Variants in CAMK1D observed in about 807,000 individuals in gnomAD.
CAMK1D encodes the protein calcium/calmodulin-dependent protein kinase type 1D.
In CAMK1D, 9 loss-of-function variants were observed where a neutral mutation model predicts 47.7. The ratio of observed to expected loss-of-function variants is 0.19; its 90% CI spans 0.11 to 0.33. The LOEUF (loss-of-function observed/expected upper bound fraction) is 0.33. Ranked by LOEUF, CAMK1D falls within the 10% of genes least tolerant of loss-of-function variation. The pLI, the probability that CAMK1D is intolerant of heterozygous loss-of-function variation, is 1.00. For synonymous variants in CAMK1D, 184 were observed against 184.9 expected, an observed-to-expected ratio of 0.99 and a Z score of 0.04; for missense variants, 291 against 488.7, an observed-to-expected ratio of 0.60 and a Z score of 3.81.
intron 3 of CAMK1D, among the ~76,000 whole-genome samples, chr10:12,689,537 G>C (rs997875065): frequency 1.3e-5 from 2 of 152,138 alleles, no homozygotes; most frequent in Non-Finnish European, 2.9e-5. Flanking sequence ...AGCACTTTGG[G>C]AGGCCGAGGC....
chr10:12,761,148 G>A lies in CAMK1D; in HGVS notation c.438+62G>A, dbSNP rs541567945. The A allele has an allele frequency of 1.6e-5, 25 of 1,573,354 alleles. No homozygotes were observed. The East Asian group carries it at 5.0e-4, about 32-fold the overall frequency. ...TGCAGCCCGCAATGCACGCGACCAAGAGGGCTGATGCCAGTGGGGGCATGC... is the reference window on the plus strand; with the variant it reads ...TGCAGCCCGCAATGCACGCGACCAAAAGGGCTGATGCCAGTGGGGGCATGC... On this transcript the variant is annotated intron_variant, in intron 4 of 10. Coordinates refer to ENST00000619168, the MANE Select transcript of CAMK1D (RefSeq NM_153498.4).
rs574763767 is a variant in CAMK1D, at chr10:12,672,407, C to T, written c.299+5597C>T. Among the ~76,000 whole-genome samples, 5 of 152,126 alleles carry T rather than the reference C, an allele frequency of 3.3e-5. No individual in the cohort carries two copies. The South Asian group carries it at 6.2e-4, about 19-fold the overall frequency. On this transcript the variant is annotated intron_variant, in intron 3 of 10. Coordinates refer to ENST00000619168, the MANE Select transcript of CAMK1D (RefSeq NM_153498.4). ...TTTTTGAGATGGTGTCTCACTCTGT[C>T]GCCGAGGCCTGAGTACAGTGGTGCA...
intron 3 of CAMK1D, among the ~76,000 whole-genome samples, chr10:12,729,835 G>C (rs367727586): frequency 2.0e-5 from 3 of 152,118 alleles, no homozygotes; most frequent in African/African-American, 7.2e-5. Context: ...AGGGTGCCTG[G>C]TGTGGCCAAG....
At chr10:12,537,815 G>T (rs1836026250) in intron 1 of CAMK1D, among the ~76,000 whole-genome samples, 1 of 152,130 alleles carries the variant, frequency 6.6e-6, no homozygotes, top group Admixed American at 6.5e-5. Flanking sequence ...TTTGCATTTT[G>T]CTTAAGAAGA....
intron 2 of CAMK1D, among the ~76,000 whole-genome samples, chr10:12,644,369 CT>C (rs1422206034): frequency 2.3e-4 from 35 of 152,184 alleles, no homozygotes; most frequent in African/African-American, 7.7e-4. Context: ...GTGACTAAGC[CT>C]TTGACACCAA....
intron 1 of CAMK1D, among the ~76,000 whole-genome samples, chr10:12,465,239 A>G (rs1833556630): frequency 6.6e-6 from 1 of 152,240 alleles, no homozygotes; most frequent in African/African-American, 2.4e-5. Context: ...AATTATAGAT[A>G]ATCCCCAATT....
At position 12,797,208 on chromosome 10, in the gene CAMK1D, T is replaced by TTTA. The variant is rs1314326541; in HGVS notation, c.641+5977_641+5978insATT. ...AGCTGACCAGTTCCTTTTTTTTTTT[T>TTTA]TTTGTTTAGAGACAGGGTCTTGCTT... On this transcript the variant is annotated intron_variant, in intron 6 of 10. Transcript: ENST00000619168. Among the ~76,000 whole-genome samples the TTTA allele has an allele frequency of 5.3e-5, 8 of 151,344 alleles. 1 individual carries two copies. The highest frequency in any genetic ancestry group is 1.3e-4 in the Admixed American group (2 of 15,188).
intron 2 of CAMK1D, among the ~76,000 whole-genome samples, chr10:12,565,779 A>T (rs1837104824): frequency 1.3e-5 from 2 of 152,202 alleles, no homozygotes; most frequent in African/African-American, 4.8e-5. Context: ...AACTGGTAAT[A>T]TGTGGAGAGG....
chr10:12,787,857 G>T (rs936783998), intron 5 of CAMK1D, among the ~76,000 whole-genome samples: 1 of 152,138 alleles, frequency 6.6e-6, no homozygotes, highest in Non-Finnish European at 1.5e-5. Flanking sequence ...AAAATTAGCC[G>T]GGCCTGGTGG....
At chr10:12,439,503 T>C (rs1275441542) in intron 1 of CAMK1D, among the ~76,000 whole-genome samples, 3 of 152,238 alleles carry the variant, frequency 2.0e-5, no homozygotes, top group Non-Finnish European at 2.9e-5. Flanking sequence ...TGATAACAGC[T>C]GTGGGATTTG....
chr10:12,486,587 C>T (rs936454119), intron 1 of CAMK1D, among the ~76,000 whole-genome samples: 2 of 152,158 alleles, frequency 1.3e-5, no homozygotes, highest in African/African-American at 4.8e-5. Flanking sequence ...TTCTGGAGAA[C>T]CCTAGTACAA....
At chr10:12,632,633 A>G (rs373354520) in intron 2 of CAMK1D, among the ~76,000 whole-genome samples, 1 of 152,228 alleles carries the variant, frequency 6.6e-6, no homozygotes. Flanking sequence ...TGAAACTCCA[A>G]GAGTTTGGAG....
chr10:12,451,390 G>A (rs767145910), intron 1 of CAMK1D, among the ~76,000 whole-genome samples: 1 of 152,128 alleles, frequency 6.6e-6, no homozygotes, highest in Admixed American at 6.5e-5. Flanking sequence ...AGAGGTAGGA[G>A]GGCCTGGAGG....
At chr10:12,452,249 AT>A (rs1833105533) in intron 1 of CAMK1D, among the ~76,000 whole-genome samples, 1 of 152,152 alleles carries the variant, frequency 6.6e-6, no homozygotes, top group Admixed American at 6.5e-5. Flanking sequence ...GGTAATATGT[AT>A]TATTGTAAAC....
At position 12,824,449 on chromosome 10, in the gene CAMK1D, T is replaced by G; in HGVS notation, c.834-16T>G. On this transcript the variant is annotated splice_polypyrimidine_tract_variant and intron_variant, in intron 8 of 10. Coordinates refer to ENST00000619168, the MANE Select transcript of CAMK1D (RefSeq NM_153498.4). ...AGAAGAAGCACTTCAGAGCAGCACC[T>G]TTGCCTCTGTTTCAGGATCGCTGGT... The G allele has an allele frequency of 6.2e-7, 1 of 1,612,122 alleles. No homozygotes were observed. The highest frequency in any genetic ancestry group is 1.1e-5 in the South Asian group (1 of 91,030).
At chr10:12,812,414 G>A (rs961360575) in intron 6 of CAMK1D, among the ~76,000 whole-genome samples, 2 of 152,064 alleles carry the variant, frequency 1.3e-5, no homozygotes, top group African/African-American at 4.8e-5. Flanking sequence ...TCAGGAGTTC[G>A]AGACCAGCCT....
chr10:12,650,488 C>A (rs1228913260), intron 2 of CAMK1D, among the ~76,000 whole-genome samples: 1 of 152,228 alleles, frequency 6.6e-6, no homozygotes, highest in East Asian at 1.9e-4. Flanking sequence ...TGCTGCCTAG[C>A]CTCATGCCTG....
intron 2 of CAMK1D, among the ~76,000 whole-genome samples, chr10:12,595,342 G>GGAAAAAAAA (rs1554794318): frequency 1.3e-4 from 3 of 23,564 alleles, no homozygotes; most frequent in African/African-American, 3.6e-4. Context: ...AACTCCATCT[G>GGAAAAAAAA]AAAAAAAAAA....
At chr10:12,501,416 G>A (rs7894390) in intron 1 of CAMK1D, among the ~76,000 whole-genome samples, 83,861 of 151,958 alleles carry the variant, frequency 0.55, 23,362 homozygotes, top group Non-Finnish European at 0.58. Context: ...TACCTGGGGC[G>A]TGAGTGCGTG....
Sources: allele counts gnomAD v4.1 joint callset (sites outside exome capture counted in the v4.1 genomes callset), GRCh38; gene constraint gnomAD v4.1.1; transcripts MANE v1.5; gene names NCBI Gene and HGNC (gene_info 2026-07-23, HGNC 2026-07-21).